The following CHST8 variants were observed in gnomAD, a reference collection of about 807,000 sequenced individuals.
The protein encoded by CHST8 is carbohydrate sulfotransferase 8, also known as GALNAC-4-ST1.
A neutral mutation model predicts 15.0 loss-of-function variants in CHST8; 10 were observed. That is an observed-to-expected ratio of 0.67 (90% CI 0.41 to 1.13). CHST8 has a LOEUF of 1.13. CHST8 is among the 50% of genes most tolerant of loss of function. CHST8 has a pLI of 0.00. For synonymous variants in CHST8, 259 were observed against 256.6 expected, an observed-to-expected ratio of 1.01 and a Z score of -0.09; for missense variants, 634 against 608.2, an observed-to-expected ratio of 1.04 and a Z score of -0.45.
intron 1 of CHST8, among the ~76,000 whole-genome samples, chr19:33,641,960 T>C (rs766463154): frequency 2.0e-5 from 3 of 152,218 alleles, no homozygotes; most frequent in Non-Finnish European, 4.4e-5. Context: ...TGTCTGTATA[T>C]TACTTTGGCC....
At chr19:33,766,332 A>G (rs1974842119) in intron 3 of CHST8, among the ~76,000 whole-genome samples, 1 of 151,768 alleles carries the variant, frequency 6.6e-6, no homozygotes, top group Non-Finnish European at 1.5e-5. Context: ...CCCCATTCAG[A>G]ACCCTTCATA....
chr19:33,727,760 C>G (rs542815931), intron 3 of CHST8, among the ~76,000 whole-genome samples: 6 of 152,236 alleles, frequency 3.9e-5, no homozygotes, highest in Admixed American at 1.3e-4. Flanking sequence ...TGGATCTGCT[C>G]CCTGGAGAAG....
At chr19:33,677,162 G>T (rs957804655) in intron 2 of CHST8, among the ~76,000 whole-genome samples, 3 of 152,110 alleles carry the variant, frequency 2.0e-5, no homozygotes, top group Admixed American at 6.5e-5. Context: ...AGCCGGCAGG[G>T]GGGGGCACTG....
At chr19:33,764,919 C>T (rs1032496253) in intron 3 of CHST8, among the ~76,000 whole-genome samples, 1 of 151,988 alleles carries the variant, frequency 6.6e-6, no homozygotes, top group Admixed American at 6.6e-5. Flanking sequence ...TCAGCTCCCA[C>T]TTATGAATGA....
intron 4 of CHST8, among the ~76,000 whole-genome samples, chr19:33,771,746 T>C (rs1974987208): frequency 1.3e-5 from 2 of 152,048 alleles, no homozygotes; most frequent in South Asian, 4.2e-4. Context: ...CGCGCCATCT[T>C]GTGGCCGAAA....
chr19:33,642,811 G>A (rs1034366240), intron 1 of CHST8, among the ~76,000 whole-genome samples: 3 of 152,190 alleles, frequency 2.0e-5, no homozygotes, highest in Non-Finnish European at 2.9e-5. Flanking sequence ...CTTTATATAC[G>A]TAAACTCGTA....
intron 3 of CHST8, among the ~76,000 whole-genome samples, chr19:33,749,217 CA>C (rs1255150567): frequency 6.6e-6 from 1 of 152,164 alleles, no homozygotes; most frequent in African/African-American, 2.4e-5. Context: ...GCTAGGAGAG[CA>C]CACCCGGAGC....
At chr19:33,641,427 G>A (rs1222970116) in intron 1 of CHST8, among the ~76,000 whole-genome samples, 1 of 152,310 alleles carries the variant, frequency 6.6e-6, no homozygotes, top group East Asian at 1.9e-4. Context: ...CCTGGGCAGG[G>A]TTTGAGGAGC....
rs140412551 is a variant in CHST8, at chr19:33,631,832, T to G, written c.-164+9536T>G. 3.3e-5 allele frequency among the ~76,000 whole-genome samples: 5 copies of G among 152,274 alleles called. No individual in the cohort carries two copies. In the East Asian group the frequency reaches 9.7e-4, roughly 29 times the overall value. On this transcript the variant is annotated intron_variant, in intron 1 of 4. Transcript: ENST00000650847. ...AGCTGGGACCTGGAGTCAGACCACCTGGGTTCAATCCTAGCCTTACCACTC... is the reference window on the plus strand; with the variant it reads ...AGCTGGGACCTGGAGTCAGACCACCGGGGTTCAATCCTAGCCTTACCACTC...
chr19:33,713,762 T>C lies in CHST8; in HGVS notation c.130+24371T>C, dbSNP rs370272130. Among the ~76,000 whole-genome samples the C allele has an allele frequency of 6.6e-5, 10 of 152,294 alleles. No individual in the cohort carries two copies. The East Asian group carries it at 1.7e-3, about 27-fold the overall frequency. ...TTTTAGTAGCGACAGGGTTTCACCA[T>C]GTTGGCCAGGCTGGTCTCAAACTCC... On this transcript the variant is annotated intron_variant, in intron 3 of 4. Transcript: ENST00000650847.
intron 1 of CHST8, among the ~76,000 whole-genome samples, chr19:33,627,551 G>T (rs1369270654): frequency 6.6e-6 from 1 of 152,144 alleles, no homozygotes; most frequent in African/African-American, 2.4e-5. Context: ...TCTTACATCC[G>T]CACTCCGCAC....
chr19:33,695,722 C>T (rs1454615628), intron 3 of CHST8, among the ~76,000 whole-genome samples: 1 of 151,948 alleles, frequency 6.6e-6, no homozygotes, highest in Non-Finnish European at 1.5e-5. Context: ...CCCATCTATC[C>T]AACTTGCTAC....
At position 33,772,731 on chromosome 19, in the gene CHST8, C is replaced by T; in HGVS notation, c.943C>T (p.Leu315=). 1.2e-6 allele frequency: 2 copies of T among 1,613,418 alleles called. No individual in the cohort carries two copies. Among genetic ancestry groups the T allele is most frequent in the Middle Eastern group, 1.7e-4 (1 of 6,060 alleles). Reference sequence around the variant, plus strand: ...GCGTTTTCCCGAGTTCGTCCAGTACCTGCTGGACGTGCACCGGCCCGTGGG... The same window carrying T: ...GCGTTTTCCCGAGTTCGTCCAGTACTTGCTGGACGTGCACCGGCCCGTGGG... ...GVRFPEFVQY[L]LDVHRPVGMD... is the part of the protein sequence containing the mutation. Residue 315 remains leucine, a synonymous_variant, in exon 5 of 5, where the codon CTG becomes TTG. Transcript: ENST00000650847.
chr19:33,681,201 T>A (rs1225245136), intron 2 of CHST8, among the ~76,000 whole-genome samples: 2 of 152,220 alleles, frequency 1.3e-5, no homozygotes, highest in Admixed American at 1.3e-4. Flanking sequence ...CTGGGCTCAG[T>A]GGAGTTCACA....
At chr19:33,658,995 C>G (rs1325093409) in intron 1 of CHST8, among the ~76,000 whole-genome samples, 1 of 151,192 alleles carries the variant, frequency 6.6e-6, no homozygotes, top group African/African-American at 2.4e-5. Context: ...AATGCTATAG[C>G]CAATGATTTT....
At chr19:33,736,770 G>A (rs535235616) in intron 3 of CHST8, among the ~76,000 whole-genome samples, 47 of 152,228 alleles carry the variant, frequency 3.1e-4, no homozygotes, top group Admixed American at 1.0e-3. Context: ...GGGAGTCTGC[G>A]GCCATGTAGG....
intron 1 of CHST8, among the ~76,000 whole-genome samples, chr19:33,641,516 A>G (rs919358): frequency 0.54 from 82,229 of 152,056 alleles, 22,610 homozygotes; most frequent in East Asian, 0.67. Flanking sequence ...GGAAACTTCT[A>G]TCTCCCCAGG....
intron 1 of CHST8, among the ~76,000 whole-genome samples, chr19:33,636,160 A>T (rs1972196979): frequency 6.6e-6 from 1 of 151,992 alleles, no homozygotes; most frequent in South Asian, 2.1e-4. Flanking sequence ...GATTTGAGGA[A>T]TCATTCAGTA....
At chr19:33,679,377 G>A (rs1972855775) in intron 2 of CHST8, among the ~76,000 whole-genome samples, 1 of 152,214 alleles carries the variant, frequency 6.6e-6, no homozygotes, top group Admixed American at 6.5e-5. Flanking sequence ...GGTGGGGAGA[G>A]ATGCTCTCCA....
Sources: allele counts gnomAD v4.1 joint callset (sites outside exome capture counted in the v4.1 genomes callset), GRCh38; gene constraint gnomAD v4.1.1; transcripts MANE v1.5; gene names NCBI Gene and HGNC (gene_info 2026-07-23, HGNC 2026-07-21).